The following PALS2 variants were observed in gnomAD, a reference collection of about 807,000 sequenced individuals.
PALS2 encodes the protein protein PALS2.
In PALS2, 27 loss-of-function variants were observed where a neutral mutation model predicts 61.6. The observed-to-expected ratio is 0.44, with a 90% CI of 0.32 to 0.60. The LOEUF is 0.60. PALS2 is among the 20% of genes least tolerant of loss of function. The pLI is 0.05. For synonymous variants in PALS2, 236 were observed against 218.6 expected (o/e 1.08, Z -0.70); for missense variants, 554 against 639.4 (o/e 0.87, Z 1.44).
intron 1 of PALS2, among the ~76,000 whole-genome samples, chr7:24,609,743 C>T (rs1186766878): frequency 1.3e-5 from 2 of 151,980 alleles, no homozygotes; most frequent in Non-Finnish European, 2.9e-5. Flanking sequence ...TCAGAGCCCT[C>T]CCCAAAGAGA....
At chr7:24,643,918 G>T (rs1381544216) in intron 3 of PALS2, among the ~76,000 whole-genome samples, 2 of 152,016 alleles carry the variant, frequency 1.3e-5, no homozygotes, top group Non-Finnish European at 2.9e-5. Flanking sequence ...GCCCACCACA[G>T]GGCTGAGATT....
intron 11 of PALS2, among the ~76,000 whole-genome samples, chr7:24,686,018 C>T (rs1488611627): frequency 6.6e-6 from 1 of 152,106 alleles, no homozygotes. Context: ...TTAAGCTTAC[C>T]ATATTACAAA....
intron 1 of PALS2, among the ~76,000 whole-genome samples, chr7:24,583,216 A>G (rs1260211264): frequency 6.6e-6 from 1 of 152,060 alleles, no homozygotes; most frequent in Non-Finnish European, 1.5e-5. Context: ...ATACAAATCA[A>G]TTTAAATGTT....
At chr7:24,581,951 G>A (rs2128039752) in intron 1 of PALS2, among the ~76,000 whole-genome samples, 1 of 152,272 alleles carries the variant, frequency 6.6e-6, no homozygotes, top group African/African-American at 2.4e-5. Flanking sequence ...ACATTCATGT[G>A]TCAGTCTTTT....
Position 24,691,258 on chromosome 7 carries a change from A to C in PALS2, c.*3644A>C, listed in dbSNP as rs1439778023. Reference sequence around the variant, plus strand: ...TCTGAAACAGTACTCCATTATCCAGAAATCACAGGCTAGAGAGCCAATAAT... The same window carrying C: ...TCTGAAACAGTACTCCATTATCCAGCAATCACAGGCTAGAGAGCCAATAAT... On this transcript the variant is annotated 3_prime_UTR_variant, in exon 12 of 12. Coordinates refer to ENST00000222644, the MANE Select transcript of PALS2 (RefSeq NM_001303037.2). The C allele has an allele frequency of 1.3e-5, 2 of 151,656 alleles. No individual in the cohort carries two copies. Among genetic ancestry groups the C allele is most frequent in the African/African-American group, 4.8e-5 (2 of 41,366 alleles). The allele number at this position is 151,656 out of a possible 1,614,324, so 9.4% of individuals were successfully genotyped here. A position where few individuals can be genotyped will look rare whatever the true frequency, so the allele number is the denominator to read the frequency against.
At chr7:24,634,345 T>C (rs1195927441) in intron 2 of PALS2, among the ~76,000 whole-genome samples, 1 of 152,098 alleles carries the variant, frequency 6.6e-6, no homozygotes, top group Non-Finnish European at 1.5e-5. Flanking sequence ...ATTCTCCTGC[T>C]TCAGCCTCCT....
chr7:24,586,786 T>C (rs1783081156), intron 1 of PALS2, among the ~76,000 whole-genome samples: 1 of 152,090 alleles, frequency 6.6e-6, no homozygotes. Flanking sequence ...GTGGTAATAA[T>C]TTAAAAGTGA....
intron 4 of PALS2, among the ~76,000 whole-genome samples, chr7:24,650,263 G>A (rs943624682): frequency 1.3e-4 from 20 of 151,994 alleles, no homozygotes; most frequent in Admixed American, 3.3e-4. Flanking sequence ...CTGCTCTCTC[G>A]AGTTTCCATT....
intron 1 of PALS2, among the ~76,000 whole-genome samples, chr7:24,593,029 A>G (rs893460551): frequency 1.5e-4 from 23 of 152,126 alleles, no homozygotes; most frequent in South Asian, 6.2e-4. Flanking sequence ...CATTTTATCT[A>G]TAGTAGAACT....
intron 1 of PALS2, among the ~76,000 whole-genome samples, chr7:24,586,967 C>A (rs2529036): frequency 6.7e-6 from 1 of 150,126 alleles, no homozygotes; most frequent in South Asian, 2.1e-4. Context: ...GGAAATTCCC[C>A]GCCCGCCCTG....
At chr7:24,646,898 G>A (rs1483690647) in intron 3 of PALS2, among the ~76,000 whole-genome samples, 1 of 152,052 alleles carries the variant, frequency 6.6e-6, no homozygotes, top group African/African-American at 2.4e-5. Context: ...ATATGTCTAG[G>A]AATTTATCTC....
intron 8 of PALS2, among the ~76,000 whole-genome samples, chr7:24,667,656 A>AT (rs1215450809): frequency 2.1e-5 from 3 of 141,698 alleles, no homozygotes; most frequent in East Asian, 4.5e-4. Flanking sequence ...TGATTAGATA[A>AT]ATTTTTTTTT....
intron 4 of PALS2, among the ~76,000 whole-genome samples, 175 bp downstream of exon 4, chr7:24,649,939 A>T (rs1053239869): frequency 2.6e-5 from 4 of 152,146 alleles, no homozygotes; most frequent in African/African-American, 9.7e-5. Context: ...AGCCTGCAAA[A>T]TTTAACTAAA....
At chr7:24,652,713 T>A (rs1786221118) in intron 5 of PALS2, among the ~76,000 whole-genome samples, 2 of 152,256 alleles carry the variant, frequency 1.3e-5, no homozygotes, top group South Asian at 4.1e-4. Context: ...GCATTTTGCG[T>A]CTTCAACTCT....
intron 9 of PALS2, among the ~76,000 whole-genome samples, chr7:24,678,387 A>G (rs1394367441): frequency 1.3e-5 from 2 of 152,336 alleles, no homozygotes; most frequent in South Asian, 2.1e-4. Context: ...TTAATAGACC[A>G]TAATAATAAT....
chr7:24,595,245 G>A (rs759100437), intron 1 of PALS2, among the ~76,000 whole-genome samples: 8 of 151,128 alleles, frequency 5.3e-5, no homozygotes, highest in African/African-American at 9.7e-5. Context: ...TAGGCAATAC[G>A]GGAGGAAGAC....
intron 3 of PALS2, among the ~76,000 whole-genome samples, chr7:24,643,193 A>C (rs1279744225): frequency 6.6e-6 from 1 of 152,160 alleles, no homozygotes; most frequent in Non-Finnish European, 1.5e-5. Flanking sequence ...TATGTTAAGG[A>C]AACTGGCCAC....
At chr7:24,670,723 G>T (rs1554313504) in intron 9 of PALS2, among the ~76,000 whole-genome samples, 1 of 152,144 alleles carries the variant, frequency 6.6e-6, no homozygotes, top group Non-Finnish European at 1.5e-5. Context: ...CCTGCTGCCA[G>T]GAGCAATCAT....
intron 1 of PALS2, among the ~76,000 whole-genome samples, chr7:24,582,160 T>A (rs1443389578): frequency 6.6e-6 from 1 of 152,242 alleles, no homozygotes; most frequent in Non-Finnish European, 1.5e-5. Flanking sequence ...CAGTTTATCA[T>A]TTTGTTTTGT....
Sources: gnomAD v4.1 joint callset for allele counts (sites outside exome capture counted in the v4.1 genomes callset) on GRCh38, gnomAD v4.1.1 for gene constraint, MANE v1.5 for transcripts, NCBI Gene and HGNC (gene_info 2026-07-23, HGNC 2026-07-21) for gene names.